The following PAICS variants were observed in gnomAD, a reference collection of about 807,000 sequenced individuals.
The protein encoded by PAICS is bifunctional phosphoribosylaminoimidazole carboxylase/phosphoribosylaminoimidazole succinocarboxamide synthetase.
A neutral mutation model predicts 53.7 loss-of-function variants in PAICS; 33 were observed. The ratio of observed to expected loss-of-function variants is 0.61; its 90% CI spans 0.47 to 0.82. PAICS has a LOEUF of 0.82. Among genes scored for constraint, PAICS ranks in the 40% least tolerant of loss-of-function variants. The pLI, the probability that PAICS is intolerant of heterozygous loss-of-function variation, is 0.00. For missense variants in PAICS, 394 were observed against 494.1 expected (o/e 0.80, Z 1.92); for synonymous variants, 141 against 167.2 (o/e 0.84, Z 1.21).
the PAICS span, among the ~76,000 whole-genome samples, chr4:56,418,220 T>C: frequency 6.6e-6 from 1 of 152,196 alleles, no homozygotes; most frequent in African/African-American, 2.4e-5. Flanking sequence ...GGAGGTTCAC[T>C]TGAACCTGGG....
intron 3 of PAICS, among the ~76,000 whole-genome samples, chr4:56,448,069 G>A (rs1023244580): frequency 4.1e-5 from 6 of 146,870 alleles, no homozygotes; most frequent in South Asian, 2.2e-4. Context: ...GTGCAGTGGC[G>A]CTCTCTCAGC....
At chr4:56,429,772 C>T in the PAICS span, among the ~76,000 whole-genome samples, 3 of 152,144 alleles carry the variant, frequency 2.0e-5, no homozygotes, top group Non-Finnish European at 4.4e-5. Context: ...ACCCTAAAAG[C>T]CTCCCAGTCA....
chr4:56,438,167 GC>G, intron 1 of PAICS, among the ~76,000 whole-genome samples: 1 of 151,716 alleles, frequency 6.6e-6, no homozygotes, highest in East Asian at 1.9e-4. Context: ...TACCTCTTCA[GC>G]CCTAACTTTG....
chr4:56,421,595 GA>G, the PAICS span: 1 of 152,196 alleles, frequency 6.6e-6, no homozygotes, highest in Non-Finnish European at 1.5e-5. Context: ...CTTAAATGAT[GA>G]GTCCCAATTG....
chr4:56,434,188 T>C (rs1717767270), upstream of PAICS, among the ~76,000 whole-genome samples: 1 of 152,230 alleles, frequency 6.6e-6, no homozygotes, highest in African/African-American at 2.4e-5. Context: ...GCTTCCCACA[T>C]TCTCAGCTCT....
At chr4:56,449,965 ACT>A (rs990312682) in intron 5 of PAICS, among the ~76,000 whole-genome samples, 11 of 148,136 alleles carry the variant, frequency 7.4e-5, no homozygotes, top group East Asian at 2.0e-4. Flanking sequence ...ACAGAGCGAG[ACT>A]CTGTCTCCAA....
At chr4:56,416,639 T>C in the PAICS span, among the ~76,000 whole-genome samples, 9 of 152,218 alleles carry the variant, frequency 5.9e-5, no homozygotes, top group South Asian at 2.1e-4. Context: ...CCTAGAAATA[T>C]TGGTTCTCTA....
chr4:56,444,099 A>G (rs1346030682), intron 2 of PAICS, among the ~76,000 whole-genome samples: 2 of 152,136 alleles, frequency 1.3e-5, no homozygotes, highest in African/African-American at 4.8e-5. Flanking sequence ...TCAGTGGTCT[A>G]TTTAAAACTG....
Position 56,453,885 on chromosome 4 carries a change from T to A in PAICS, c.1111+124T>A, listed in dbSNP as rs756985377. 8.6e-6 allele frequency: 5 copies of A among 584,422 alleles called. No homozygotes were observed. In the Middle Eastern group the frequency reaches 1.9e-3, roughly 223 times the overall value. 36.2% of individuals were successfully genotyped at this position (584,422 alleles called of 1,614,324 possible). On this transcript the variant is annotated intron_variant, in intron 8 of 8. Coordinates refer to ENST00000512576, the MANE Select transcript of PAICS (RefSeq NM_001079524.2). ...CCTAGCTTCAGCAATTAACATCTTG[T>A]TGTGTCTACAGCCATCTCCTGCTGG...
chr4:56,427,935 A>C, the PAICS span, among the ~76,000 whole-genome samples: 1 of 152,246 alleles, frequency 6.6e-6, no homozygotes, highest in Non-Finnish European at 1.5e-5. Flanking sequence ...TAGAGAAAGA[A>C]GGAAAATGTC....
At chr4:56,458,234 T>A (rs1719325281) in intron 8 of PAICS, among the ~76,000 whole-genome samples, 1 of 152,008 alleles carries the variant, frequency 6.6e-6, no homozygotes, top group South Asian at 2.1e-4. Context: ...TGTAAAATCC[T>A]GAAGACCGCC....
At chr4:56,410,844 A>C in the PAICS span, 1 of 984,036 alleles carries the variant, frequency 1.0e-6, no homozygotes, top group Non-Finnish European at 1.2e-6. Context: ...GAAGATGCAA[A>C]TGGCAGGTAC....
the PAICS span, among the ~76,000 whole-genome samples, chr4:56,412,640 T>C: frequency 2.0e-5 from 3 of 152,200 alleles, no homozygotes; most frequent in Admixed American, 1.3e-4. Context: ...TCACTATATT[T>C]CCAATCACTT....
the PAICS span, among the ~76,000 whole-genome samples, chr4:56,427,752 TC>T: frequency 2.0e-5 from 3 of 152,054 alleles, no homozygotes; most frequent in Non-Finnish European, 4.4e-5. Flanking sequence ...GAGTATGCCT[TC>T]CCCCTGTCAC....
At chr4:56,457,795 A>G (rs1432279566) in intron 8 of PAICS, among the ~76,000 whole-genome samples, 1 of 151,746 alleles carries the variant, frequency 6.6e-6, no homozygotes, top group Admixed American at 6.6e-5. Flanking sequence ...AATCACAGGC[A>G]TGCACCACCA....
At chr4:56,421,452 TC>T in the PAICS span, 1 of 152,496 alleles carries the variant, frequency 6.6e-6, no homozygotes, top group East Asian at 1.9e-4. Flanking sequence ...AAAATTGTCT[TC>T]CGTGAAACCA....
chr4:56,429,504 A>G, the PAICS span, among the ~76,000 whole-genome samples: 3 of 152,198 alleles, frequency 2.0e-5, no homozygotes, highest in Non-Finnish European at 4.4e-5. Flanking sequence ...ATATAATGCA[A>G]TATAGCATGT....
the PAICS span, among the ~76,000 whole-genome samples, chr4:56,416,194 G>A: frequency 4.5e-4 from 68 of 151,996 alleles, no homozygotes; most frequent in Non-Finnish European, 8.5e-4. Context: ...GAAAAAATTA[G>A]ATTTCTCTTT....
At chr4:56,428,117 C>G in the PAICS span, among the ~76,000 whole-genome samples, 2 of 152,164 alleles carry the variant, frequency 1.3e-5, no homozygotes, top group African/African-American at 2.4e-5. Flanking sequence ...CACAAAATTT[C>G]TTTTGACTCA....
Sources: gnomAD v4.1 joint callset for allele counts (sites outside exome capture counted in the v4.1 genomes callset) on GRCh38, gnomAD v4.1.1 for gene constraint, MANE v1.5 for transcripts, NCBI Gene and HGNC (gene_info 2026-07-23, HGNC 2026-07-21) for gene names.